BMPR1B: variants seen among roughly 807,000 people sequenced by gnomAD.
The protein encoded by BMPR1B is bone morphogenetic protein receptor type-1B.
BMPR1B carries 12 observed loss-of-function variants against 59.1 expected under a neutral mutation model. The observed-to-expected ratio is 0.20, with a 90% confidence interval of 0.13 to 0.33. The LOEUF (loss-of-function observed/expected upper bound fraction) is 0.33. BMPR1B is among the 10% of genes least tolerant of loss of function. The probability of loss-of-function intolerance (pLI) is 1.00; values close to 1 mark genes in which losing one functional copy is unlikely to be tolerated. For synonymous variants in BMPR1B, 237 were observed against 207.3 expected (o/e 1.14, Z -1.23); for missense variants, 550 against 610.9 (o/e 0.90, Z 1.05).
At chr4:95,149,543 A>T (rs1199199570) in intron 11 of BMPR1B, among the ~76,000 whole-genome samples, 2 of 152,252 alleles carry the variant, frequency 1.3e-5, no homozygotes, top group East Asian at 1.9e-4. Context: ...TTAAATATTC[A>T]GAAGTATTAT....
At chr4:94,815,512 C>G (rs1356696670) in intron 1 of BMPR1B, among the ~76,000 whole-genome samples, 2 of 152,180 alleles carry the variant, frequency 1.3e-5, no homozygotes, top group Non-Finnish European at 2.9e-5. Context: ...AAATTTCTTT[C>G]ACAACGTGCC....
intron 3 of BMPR1B, among the ~76,000 whole-genome samples, chr4:95,023,457 C>T (rs951853656): frequency 3.9e-5 from 6 of 152,162 alleles, no homozygotes; most frequent in African/African-American, 1.2e-4. Context: ...TCATGGGTCA[C>T]TGCAGCCTGA....
chr4:94,790,501 T>G (rs1722938943), intron 1 of BMPR1B, among the ~76,000 whole-genome samples: 1 of 152,156 alleles, frequency 6.6e-6, no homozygotes, highest in Admixed American at 6.5e-5. Context: ...GATCCATTCT[T>G]GCTGCCTTCT....
chr4:95,152,407 G>A (rs1183706697), intron 11 of BMPR1B, among the ~76,000 whole-genome samples: 1 of 152,096 alleles, frequency 6.6e-6, no homozygotes, highest in East Asian at 1.9e-4. Context: ...TGGAAATTAG[G>A]AAAGAAAGGC....
At chr4:94,781,259 T>G (rs1017185094) in intron 1 of BMPR1B, among the ~76,000 whole-genome samples, 1 of 152,174 alleles carries the variant, frequency 6.6e-6, no homozygotes, top group Non-Finnish European at 1.5e-5. Flanking sequence ...TGCAAATATT[T>G]CCTCTCATTC....
chr4:95,058,902 C>T (rs548409630), intron 3 of BMPR1B, among the ~76,000 whole-genome samples: 19 of 152,144 alleles, frequency 1.2e-4, no homozygotes, highest in Admixed American at 9.8e-4. Context: ...TTTTTTATGG[C>T]GCTGAATCTC....
chr4:94,853,354 AC>A (rs1156470617), intron 1 of BMPR1B, among the ~76,000 whole-genome samples: 1 of 152,194 alleles, frequency 6.6e-6, no homozygotes, highest in Non-Finnish European at 1.5e-5. Context: ...AAGAATACAA[AC>A]CACTTAAGTG....
At chr4:95,066,878 GA>G (rs1367511317) in intron 3 of BMPR1B, among the ~76,000 whole-genome samples, 7 of 152,128 alleles carry the variant, frequency 4.6e-5, no homozygotes, top group Non-Finnish European at 1.0e-4. Context: ...AATGGCAGGT[GA>G]ATAACAGGCA....
chr4:95,052,141 G>A (rs1005123781), intron 3 of BMPR1B, among the ~76,000 whole-genome samples: 1 of 152,082 alleles, frequency 6.6e-6, no homozygotes, highest in Non-Finnish European at 1.5e-5. Context: ...CTTGAATACT[G>A]TTAGATTTTT....
In BMPR1B at chr4:94,833,834, A is replaced by G. The variant is rs1423949652; in HGVS notation, c.-182-41997A>G. Among the ~76,000 whole-genome samples, 4 of 152,128 alleles carry G rather than the reference A, an allele frequency of 2.6e-5. No homozygotes were observed. The East Asian group carries it at 7.7e-4, about 29-fold the overall frequency. On this transcript the variant is annotated intron_variant, in intron 1 of 12. Transcript: ENST00000515059. ...GAGTGAATTAGGAGTGAATGAACTG[A>G]TCTATGCATACTTGGGTATTACACA...
intron 3 of BMPR1B, among the ~76,000 whole-genome samples, chr4:95,028,746 A>G (rs1161532739): frequency 6.6e-6 from 1 of 152,088 alleles, no homozygotes; most frequent in Non-Finnish European, 1.5e-5. Flanking sequence ...ATGTGTTTCC[A>G]TGTAAAAAGA....
intron 2 of BMPR1B, among the ~76,000 whole-genome samples, chr4:94,990,782 G>A (rs1721693418): frequency 6.6e-6 from 1 of 152,148 alleles, no homozygotes; most frequent in Non-Finnish European, 1.5e-5. Context: ...CCATGTTGGT[G>A]TGCTGTACCC....
chr4:94,799,496 G>T (rs539433973), intron 1 of BMPR1B, among the ~76,000 whole-genome samples: 4 of 151,868 alleles, frequency 2.6e-5, no homozygotes, highest in African/African-American at 9.7e-5. Flanking sequence ...TAGAGACGGG[G>T]TTTCACCATG....
chr4:94,972,804 T>G (rs1730865109), intron 2 of BMPR1B, among the ~76,000 whole-genome samples: 1 of 152,192 alleles, frequency 6.6e-6, no homozygotes, highest in African/African-American at 2.4e-5. Context: ...TGGCCTTAAA[T>G]TATTTAAATA....
chr4:94,906,467 T>C (rs1219056335), intron 2 of BMPR1B, among the ~76,000 whole-genome samples: 23 of 151,964 alleles, frequency 1.5e-4, no homozygotes, highest in Admixed American at 1.5e-3. Context: ...AGTAAAAACA[T>C]TTTATGACTG....
chr4:94,891,093 A>G (rs2148990134), intron 2 of BMPR1B, among the ~76,000 whole-genome samples: 1 of 152,188 alleles, frequency 6.6e-6, no homozygotes, highest in South Asian at 2.1e-4. Flanking sequence ...CTTTATTGAG[A>G]TATTATCTTT....
chr4:95,003,603 C>A (rs1399293322), intron 3 of BMPR1B, among the ~76,000 whole-genome samples: 1 of 152,030 alleles, frequency 6.6e-6, no homozygotes, highest in East Asian at 1.9e-4. Context: ...CCTCCATTTA[C>A]AAGGGGTGCC....
chr4:95,060,259 A>T (rs1329965261), intron 3 of BMPR1B, among the ~76,000 whole-genome samples: 1 of 151,882 alleles, frequency 6.6e-6, no homozygotes, highest in Non-Finnish European at 1.5e-5. Flanking sequence ...CAAGATAATA[A>T]AGTTCAGTTT....
intron 1 of BMPR1B, among the ~76,000 whole-genome samples, chr4:94,764,460 T>C (rs1327961406): frequency 6.6e-6 from 1 of 152,236 alleles, no homozygotes; most frequent in Non-Finnish European, 1.5e-5. Context: ...CTGGATTTAC[T>C]GCAATACCCT....
Sources: allele counts gnomAD v4.1 joint callset (sites outside exome capture counted in the v4.1 genomes callset), GRCh38; gene constraint gnomAD v4.1.1; transcripts MANE v1.5; gene names NCBI Gene and HGNC (gene_info 2026-07-23, HGNC 2026-07-21).